The following LRPPRC variants were observed in gnomAD, a reference collection of about 807,000 sequenced individuals.
LRPPRC encodes leucine rich pentatricopeptide repeat containing, also known as leucine-rich PPR motif-containing protein, mitochondrial.
LRPPRC carries 120 observed loss-of-function variants against 180.3 expected under a neutral mutation model. That is an observed-to-expected ratio of 0.67 (90% CI 0.57 to 0.77). The LOEUF (loss-of-function observed/expected upper bound fraction) is 0.77. LRPPRC is among the 30% of genes least tolerant of loss of function. LRPPRC has a pLI of 0.00. For missense variants in LRPPRC, 2,012 were observed against 1,657.2 expected (o/e 1.21, Z -3.72); for synonymous variants, 723 against 600.0 (o/e 1.21, Z -3.00).
chr2:43,979,760 C>T, intron 3 of LRPPRC, 66 bp downstream of exon 3: 1 of 1,414,522 alleles, frequency 7.1e-7, no homozygotes, highest in African/African-American at 1.4e-5. Context: ...TGTAAACAAA[C>T]ACTTTTTTGC....
rs935713496 is a variant in LRPPRC, at chr2:43,943,821, G to A, written c.2370C>T (p.Phe790=). 7 of 1,613,284 alleles carry A rather than the reference G, an allele frequency of 4.3e-6. No individual in the cohort carries two copies. The highest frequency in any genetic ancestry group is 5.9e-6 in the Non-Finnish European group (7 of 1,179,456). The change falls in exon 23 of 38, where the codon TTC becomes TTT. Residue 790 remains phenylalanine, a synonymous_variant. Transcript: ENST00000260665. ...LIKDTTALSF[F]HMLNGAALRG... is the part of the protein sequence containing the mutation. Reference sequence around the variant, plus strand: ...TTAAAGCTGCGCCATTTAGCATGTGGAAAAAGGACAAGGCTGTTGTATCTT... The same window carrying A: ...TTAAAGCTGCGCCATTTAGCATGTGAAAAAAGGACAAGGCTGTTGTATCTT...
chr2:43,943,570 T>C, intron 23 of LRPPRC, 117 bp downstream of exon 23: 1 of 822,858 alleles, frequency 1.2e-6, no homozygotes, highest in South Asian at 1.4e-5. Context: ...TCTTACTCTG[T>C]GGTAAATGAC....
intron 2 of LRPPRC, among the ~76,000 whole-genome samples, chr2:43,981,107 C>A (rs1444597688): frequency 6.6e-6 from 1 of 152,006 alleles, no homozygotes; most frequent in Admixed American, 6.6e-5. Context: ...CATATGTTTG[C>A]ATGAGGCTTT....
At chr2:43,994,680 C>T (rs1294767441) in intron 1 of LRPPRC, among the ~76,000 whole-genome samples, 3 of 152,160 alleles carry the variant, frequency 2.0e-5, no homozygotes, top group Non-Finnish European at 2.9e-5. Context: ...TTACAAGCAT[C>T]AGTCTTTCAA....
chr2:43,975,315 G>A, intron 6 of LRPPRC, 98 bp from the exon 7 acceptor site: 1 of 977,686 alleles, frequency 1.0e-6, no homozygotes, highest in Admixed American at 2.0e-5. Context: ...AAAATGCTAA[G>A]TACCATTTGG....
At chr2:43,909,534 C>T (rs758120190) in intron 30 of LRPPRC, among the ~76,000 whole-genome samples, 3 of 151,762 alleles carry the variant, frequency 2.0e-5, no homozygotes, top group Non-Finnish European at 4.4e-5. Context: ...GTGCTAACAG[C>T]TAACAATACT....
chr2:43,951,302 T>G (rs543928195), intron 14 of LRPPRC, among the ~76,000 whole-genome samples: 1 of 152,220 alleles, frequency 6.6e-6, no homozygotes, highest in Non-Finnish European at 1.5e-5. Flanking sequence ...TTGGTTAGGC[T>G]ACAAAGAGCT....
rs754760201 is a variant in LRPPRC, at chr2:43,946,155, C to T, written c.2168G>A (p.Arg723Gln). 5.6e-6 allele frequency: 9 copies of T among 1,612,096 alleles called. No individual in the cohort carries two copies. The highest frequency in any genetic ancestry group is 1.7e-5 in the Admixed American group (1 of 59,944). Reference protein sequence around the residue: ...GYAALINLCCRHDKVEDALNL... With the variant: ...GYAALINLCCQHDKVEDALNL... ...CAAGGCATCTTCTACTTTATCATGT[C>T]GACAGCATAAATTTATTAAAGCTGC... Residue 723 changes from arginine to glutamine, a missense_variant, in exon 21 of 38, where the codon CGA (arginine) becomes CAA (glutamine). By Grantham distance (43) the Arg-to-Gln change is conservative (BLOSUM62 1). Transcript: ENST00000260665.
At chr2:43,918,808 T>C (rs868467758) in intron 27 of LRPPRC, among the ~76,000 whole-genome samples, 10 of 132,408 alleles carry the variant, frequency 7.6e-5, no homozygotes, top group African/African-American at 3.0e-4. Context: ...TATATATATA[T>C]AGATATATAT....
At chr2:43,985,262 T>G (rs1464298148) in intron 1 of LRPPRC, among the ~76,000 whole-genome samples, 1 of 152,176 alleles carries the variant, frequency 6.6e-6, no homozygotes, top group East Asian at 1.9e-4. Flanking sequence ...GTTCCCACTT[T>G]CTTCTCCCTC....
At chr2:43,903,134 A>G (rs964932941) in intron 31 of LRPPRC, 1 of 152,266 alleles carries the variant, frequency 6.6e-6, no homozygotes, top group Admixed American at 6.5e-5. Flanking sequence ...ATCTGTCTAA[A>G]GATAGCACAG....
chr2:43,969,383 C>T (rs1673703670), intron 11 of LRPPRC, among the ~76,000 whole-genome samples: 1 of 150,168 alleles, frequency 6.7e-6, no homozygotes, highest in African/African-American at 2.5e-5. Context: ...GCACTCCAGC[C>T]TGGGCGACAG....
intron 11 of LRPPRC, among the ~76,000 whole-genome samples, chr2:43,967,850 A>G (rs2103688310): frequency 6.6e-6 from 1 of 152,344 alleles, no homozygotes; most frequent in East Asian, 1.9e-4. Context: ...TTCACTGGGT[A>G]TCACTACTAA....
chr2:43,933,317 G>A (rs1272487883), intron 25 of LRPPRC, among the ~76,000 whole-genome samples: 12 of 152,138 alleles, frequency 7.9e-5, no homozygotes, highest in Admixed American at 7.9e-4. Flanking sequence ...TTCATGATAA[G>A]CAGTCATCAA....
At chr2:43,942,517 T>C (rs1341566653) in intron 23 of LRPPRC, among the ~76,000 whole-genome samples, 1 of 152,148 alleles carries the variant, frequency 6.6e-6, no homozygotes. Flanking sequence ...TTGTTTTTGA[T>C]TGGATGGCAA....
At chr2:43,903,647 A>G (rs563344305) in intron 31 of LRPPRC, 3 of 152,390 alleles carry the variant, frequency 2.0e-5, no homozygotes, top group African/African-American at 7.2e-5. Flanking sequence ...GCAACCTCCA[A>G]TTGAGCTGAA....
chr2:43,889,677 A>G, intron 37 of LRPPRC, 57 bp downstream of exon 37: 1 of 1,292,168 alleles, frequency 7.7e-7, no homozygotes, highest in Non-Finnish European at 1.1e-6. Flanking sequence ...ACACATTGTT[A>G]TGAAGTGCAC....
At chr2:43,903,790 C>G (rs1339704034) in intron 31 of LRPPRC, 1 of 152,112 alleles carries the variant, frequency 6.6e-6, no homozygotes, top group African/African-American at 2.4e-5. Context: ...AATGAACCCC[C>G]TGAAATTAGA....
At chr2:43,910,768 T>C (rs575190909) in intron 30 of LRPPRC, among the ~76,000 whole-genome samples, 1 of 152,218 alleles carries the variant, frequency 6.6e-6, no homozygotes, top group African/African-American at 2.4e-5. Flanking sequence ...AATCTTCTTA[T>C]GCTACCAGAG....
Sources: gnomAD v4.1 joint callset for allele counts (sites outside exome capture counted in the v4.1 genomes callset) on GRCh38, gnomAD v4.1.1 for gene constraint, MANE v1.5 for transcripts, NCBI Gene and HGNC (gene_info 2026-07-23, HGNC 2026-07-21) for gene names.